The following TAF11L11 variants were observed in gnomAD, a reference collection of about 807,000 sequenced individuals.
The protein encoded by TAF11L11 is TATA-box-binding protein-associated factor 11-like protein 11.
the TAF11L11 span, chr5:17,604,832 C>T: frequency 2.3e-5 from 9 of 388,962 alleles, no homozygotes; most frequent in South Asian, 2.6e-4. Flanking sequence ...CCCCATGCCC[C>T]GAGGTCTGAA....
chr5:17,605,261 T>G (rs1471292686), exon 1 of TAF11L11: 1 of 394,980 alleles, frequency 2.5e-6, no homozygotes, highest in Non-Finnish European at 4.5e-6. Context: ...CCTGGACGTG[T>G]GCGAAATGTG....
chr5:17,604,641 A>G, exon 1 of TAF11L11: 1 of 338,260 alleles, frequency 3.0e-6, no homozygotes, highest in East Asian at 4.3e-5. Flanking sequence ...GGCTGTGTCC[A>G]GTTATGGTTA....
chr5:17,605,234 G>T, the TAF11L11 span: 44 of 395,530 alleles, frequency 1.1e-4, no homozygotes, highest in Admixed American at 7.1e-4. Flanking sequence ...CTTTGTGGGA[G>T]AGGTGGTGGA....
chr5:17,605,236 GGT>G, the TAF11L11 span: 1 of 395,524 alleles, frequency 2.5e-6, no homozygotes, highest in Non-Finnish European at 4.5e-6. Flanking sequence ...TTGTGGGAGA[GGT>G]GGTGGAAGAG....
exon 1 of TAF11L11, chr5:17,605,265 A>C (rs1416021986): frequency 5.1e-6 from 2 of 394,958 alleles, no homozygotes; most frequent in Admixed American, 4.4e-5. Flanking sequence ...GACGTGTGCG[A>C]AATGTGGGGA....
exon 1 of TAF11L11, chr5:17,604,249 T>C (rs998160396): frequency 2.6e-5 from 4 of 151,660 alleles, no homozygotes; most frequent in African/African-American, 9.7e-5. Context: ...AGCCCAGACC[T>C]GGGCAACACT....
chr5:17,605,263 C>G lies in TAF11L11; in HGVS notation c.483C>G (p.Cys161Trp), dbSNP rs969355222. 3.0e-5 allele frequency: 12 copies of G among 394,808 alleles called. 1 individual carries two copies. In the East Asian group the frequency reaches 3.6e-4, roughly 12 times the overall value. The allele number at this position is 394,808 out of a possible 1,614,324, so 24.5% of individuals were successfully genotyped here. The stretch of plus-strand genomic sequence containing the variant: ...TGGTGGAAGAGGCCCTGGACGTGTG[C>G]GAAATGTGGGGAGAAACGCCCCCGC... Residue 161 changes from cysteine to tryptophan, a missense_variant, in exon 1 of 1, where the codon TGC (cysteine) becomes TGG (tryptophan). By Grantham distance (215) the Cys-to-Trp change is radical (BLOSUM62 -2). Coordinates refer to ENST00000510838, the Ensembl canonical transcript of TAF11L11.
chr5:17,605,068 C>T, exon 1 of TAF11L11: 1 of 394,454 alleles, frequency 2.5e-6, no homozygotes, highest in Non-Finnish European at 4.5e-6. Context: ...GGATGACAAC[C>T]CTGTTTTCTG....
downstream of TAF11L11, among the ~76,000 whole-genome samples, chr5:17,605,621 A>G (rs1739154514): frequency 1.3e-5 from 2 of 151,354 alleles, no homozygotes; most frequent in South Asian, 4.2e-4. Flanking sequence ...CTGTCTTTCT[A>G]GTTGGAAGAA....
At chr5:17,604,935 T>C (rs1739134963) in exon 1 of TAF11L11, 2 of 392,282 alleles carry the variant, frequency 5.1e-6, no homozygotes, top group Admixed American at 8.9e-5. Context: ...CAGGATGTCA[T>C]GGACCTCACA....
chr5:17,605,565 T>C (rs1228346974), downstream of TAF11L11, among the ~76,000 whole-genome samples: 2 of 151,392 alleles, frequency 1.3e-5, no homozygotes, highest in African/African-American at 4.9e-5. Flanking sequence ...ATAGGAGCCT[T>C]GGCTAAATAT....
exon 1 of TAF11L11, chr5:17,604,531 T>C (rs1453133618): frequency 1.3e-5 from 3 of 224,338 alleles, no homozygotes; most frequent in Non-Finnish European, 2.6e-5. Context: ...TTATTCTGCA[T>C]TGATCTAAGA....
exon 1 of TAF11L11, chr5:17,604,773 T>A: frequency 2.6e-6 from 1 of 384,410 alleles, no homozygotes; most frequent in Non-Finnish European, 4.6e-6. Context: ...CAGACTGGAA[T>A]CTCACCCATG....
exon 1 of TAF11L11, chr5:17,605,255 G>T: frequency 2.5e-6 from 1 of 395,310 alleles, no homozygotes; most frequent in Non-Finnish European, 4.5e-6. Context: ...AGAGGCCCTG[G>T]ACGTGTGCGA....
exon 1 of TAF11L11, chr5:17,605,164 C>T (rs72742644): frequency 6.6e-5 from 26 of 395,468 alleles, no homozygotes; most frequent in East Asian, 3.2e-4. Flanking sequence ...TGATGCAGTC[C>T]ATCACTGGCA....
At chr5:17,605,148 C>T (rs1739140804) in exon 1 of TAF11L11, 1 of 395,614 alleles carries the variant, frequency 2.5e-6, no homozygotes, top group Non-Finnish European at 4.5e-6. Flanking sequence ...GCACGCATTG[C>T]AGCTCTGATG....
exon 1 of TAF11L11, chr5:17,604,504 C>G (rs145070216): frequency 5.1e-6 from 1 of 197,330 alleles, no homozygotes. Context: ...TTTTAAATAT[C>G]CAAAATTGGT....
At chr5:17,605,900 G>A (rs74499437), downstream of TAF11L11, among the ~76,000 whole-genome samples, 4 of 151,218 alleles carry the variant, frequency 2.6e-5, 1 homozygote, top group African/African-American at 7.3e-5. Flanking sequence ...TAAAAATAAA[G>A]TCACAAAGCA....
rs75009899 is a variant in TAF11L11, at chr5:17,605,101, T to C, written c.321T>C (p.Ser107=). Residue 107 remains serine (S), a synonymous_variant, in exon 1 of 1, where the codon TCT becomes TCC. Coordinates refer to ENST00000510838, the Ensembl canonical transcript of TAF11L11. ...CTGCCATGTCTGAGGAGCAGCTATC[T>C]CGCTACGAAGTGTGTCGCCGGTCAG... 1.0e-4 allele frequency: 40 copies of C among 394,728 alleles called. 1 individual carries two copies. The highest frequency in any genetic ancestry group is 2.5e-4 in the East Asian group (7 of 27,950). The allele number at this position is 394,728 out of a possible 1,614,324, so 24.5% of individuals were successfully genotyped here. A position where few individuals can be genotyped will look rare whatever the true frequency, so the allele number is the denominator to read the frequency against.
Sources: gnomAD v4.1 joint callset for allele counts (sites outside exome capture counted in the v4.1 genomes callset) on GRCh38, gnomAD v4.1.1 for gene constraint, MANE v1.5 for transcripts, NCBI Gene and HGNC (gene_info 2026-07-23, HGNC 2026-07-21) for gene names.